ZFYVE26: variants seen among roughly 807,000 people sequenced by gnomAD.
ZFYVE26 encodes zinc finger FYVE domain-containing protein 26.
A neutral mutation model predicts 276.5 loss-of-function variants in ZFYVE26; 181 were observed. The observed-to-expected ratio is 0.65, with a 90% confidence interval of 0.58 to 0.74. The LOEUF (loss-of-function observed/expected upper bound fraction) is 0.74, where lower values mean the gene tolerates loss of function less well. ZFYVE26 is among the 30% of genes least tolerant of loss of function. The probability of loss-of-function intolerance (pLI) is 0.00; values close to 1 mark genes in which losing one functional copy is unlikely to be tolerated. For synonymous variants in ZFYVE26, 1,129 were observed against 1,203.1 expected (o/e 0.94, Z 1.27); for missense variants, 2,821 against 3,097.9 (o/e 0.91, Z 2.12).
intron 26 of ZFYVE26, 48 bp from the exon 27 acceptor site, chr14:67,775,162 C>G (rs1478285122): frequency 7.8e-7 from 1 of 1,288,860 alleles, no homozygotes; most frequent in East Asian, 2.4e-5. Flanking sequence ...CCATAAGTAT[C>G]TTGATTCACC....
Position 67,752,429 on chromosome 14 carries a change from A to G in ZFYVE26, c.7286T>C (p.Val2429Ala). The G allele has an allele frequency of 6.2e-7, 1 of 1,613,994 alleles. No individual in the cohort carries two copies. The highest frequency in any genetic ancestry group is 8.5e-7 in the Non-Finnish European group (1 of 1,179,978). The change falls in exon 40 of 42, where the codon GTC (valine) becomes GCC (alanine). Residue 2429 changes from valine to alanine, a missense_variant. Coordinates refer to ENST00000347230, the MANE Select transcript of ZFYVE26 (RefSeq NM_015346.4). The stretch of plus-strand genomic sequence containing the variant: ...TTTGGCTGCCATGCCTGACTCACTG[A>G]CACATTTGAGCAGTTGCTGGATCTC... ...YSEIQQLLKC[V>A]SESGMAAKSD...
chr14:67,746,273 C>T (rs1178398288), downstream of ZFYVE26, among the ~76,000 whole-genome samples: 1 of 147,980 alleles, frequency 6.8e-6, no homozygotes, highest in Non-Finnish European at 1.5e-5. Flanking sequence ...AACGTATTAC[C>T]TATCTCTACC....
At chr14:67,743,958 TAAC>T (rs2038450683), downstream of ZFYVE26, among the ~76,000 whole-genome samples, 2 of 151,942 alleles carry the variant, frequency 1.3e-5, no homozygotes, top group Admixed American at 1.3e-4. Flanking sequence ...CAAGAAGAAA[TAAC>T]AACATGCAGA....
chr14:67,792,059 C>CA lies in ZFYVE26; in HGVS notation c.2554-1287dup, dbSNP rs35352929. Among the ~76,000 whole-genome samples the CA allele has an allele frequency of 8.0e-3, 512 of 63,638 alleles. 3 individuals carry two copies. Among genetic ancestry groups the CA allele is most frequent in the East Asian group, 0.023 (50 of 2,194 alleles). The allele number at this position is 63,638 out of a possible 152,430, so 41.7% of individuals were successfully genotyped here. ...TGGGTGAGAAAGTGAGACTCTGCTT[C>CA]AAAAAAAAAAAAAAAGAAAAAGAAA... On this transcript the variant is annotated intron_variant, in intron 14 of 41. Coordinates refer to ENST00000347230, the MANE Select transcript of ZFYVE26 (RefSeq NM_015346.4).
intron 32 of ZFYVE26, among the ~76,000 whole-genome samples, chr14:67,763,839 G>A (rs1465006698): frequency 6.6e-6 from 1 of 152,220 alleles, no homozygotes; most frequent in Non-Finnish European, 1.5e-5. Context: ...CCTTTACACT[G>A]TATGTTAGGG....
At chr14:67,769,770 A>G in intron 28 of ZFYVE26, 40 bp from the exon 29 acceptor site, 1 of 1,613,444 alleles carries the variant, frequency 6.2e-7, no homozygotes, top group Non-Finnish European at 8.5e-7. Context: ...GAGGGAGGAG[A>G]GAAGGGGAGA....
intron 14 of ZFYVE26, chr14:67,729,125 A>C (rs2038230196): frequency 1.1e-5 from 17 of 1,483,936 alleles, no homozygotes; most frequent in Non-Finnish European, 1.5e-5. Context: ...ATTTTGCTGC[A>C]GGAGATAAGC....
chr14:67,777,092 CA>C (rs1566878255), intron 25 of ZFYVE26, among the ~76,000 whole-genome samples: 1 of 152,236 alleles, frequency 6.6e-6, no homozygotes, highest in Non-Finnish European at 1.5e-5. Flanking sequence ...GTTTATCAAG[CA>C]GTCGTTTTAA....
intron 35 of ZFYVE26, among the ~76,000 whole-genome samples, chr14:67,757,091 G>A (rs747107210): frequency 6.6e-6 from 1 of 152,108 alleles, no homozygotes; most frequent in African/African-American, 2.4e-5. Flanking sequence ...ACAGCACACA[G>A]AATCTGGCCA....
rs147638742 is a variant in ZFYVE26 at position 67,741,053 on chromosome 14, G to A, written n.2679+9999C>T. On this transcript the variant is annotated intron_variant and non_coding_transcript_variant, in intron 13 of 14. Transcript: ENST00000394455. ...GAAAATGATACCCGTTTTAATGCAA[G>A]TATTTATTATACTCATGCTGGGGAA... Among the ~76,000 whole-genome samples, 64 of 152,302 alleles carry A rather than the reference G, an allele frequency of 4.2e-4. 1 individual carries two copies. In the East Asian group the frequency reaches 6.4e-3, roughly 15 times the overall value.
At chr14:67,755,821 G>T in intron 36 of ZFYVE26, 127 bp downstream of exon 36, 1 of 1,106,912 alleles carries the variant, frequency 9.0e-7, no homozygotes, top group Non-Finnish European at 1.4e-6. Context: ...ACATGGATTT[G>T]CTCTAGGGTC....
intron 2 of ZFYVE26, among the ~76,000 whole-genome samples, chr14:67,814,451 G>A (rs2040360261): frequency 2.6e-5 from 4 of 152,036 alleles, no homozygotes; most frequent in Non-Finnish European, 4.4e-5. Flanking sequence ...CCTGGGAGGC[G>A]GAGGTTGCAG....
chr14:67,729,670 A>G (rs1469657926), exon 14 of ZFYVE26: 1 of 590,028 alleles, frequency 1.7e-6, no homozygotes, highest in African/African-American at 1.8e-5. Context: ...TGGTTATGCC[A>G]TGGAGATCTG....
chr14:67,774,005 GTA>G (rs2039278873), intron 27 of ZFYVE26, among the ~76,000 whole-genome samples: 1 of 152,174 alleles, frequency 6.6e-6, no homozygotes, highest in Non-Finnish European at 1.5e-5. Context: ...GTGTGTGACA[GTA>G]TGAACTTGAG....
At chr14:67,758,659 G>C (rs534915808) in intron 35 of ZFYVE26, among the ~76,000 whole-genome samples, 1 of 150,992 alleles carries the variant, frequency 6.6e-6, no homozygotes. Flanking sequence ...ATTTTGAGAT[G>C]GAGTCTTACT....
At chr14:67,742,803 TCCCTTCCTTCCTTC>T (rs2038429416), downstream of ZFYVE26, among the ~76,000 whole-genome samples, 65 of 144,430 alleles carry the variant, frequency 4.5e-4, no homozygotes, top group African/African-American at 1.8e-3. Context: ...CCTTCCTTCT[TCCCTTCCTTCCTTC>T]CTTTCTTCTT....
chr14:67,794,780 AC>A, intron 12 of ZFYVE26, among the ~76,000 whole-genome samples: 1 of 152,178 alleles, frequency 6.6e-6, no homozygotes, highest in Non-Finnish European at 1.5e-5. Context: ...CCCCGTCTAC[AC>A]AAAAAATTAA....
intron 6 of ZFYVE26, among the ~76,000 whole-genome samples, chr14:67,805,842 A>G (rs941884283): frequency 1.3e-5 from 2 of 152,206 alleles, no homozygotes; most frequent in African/African-American, 4.8e-5. Flanking sequence ...CAGCCTGGCC[A>G]ACATGGGGAA....
chr14:67,802,385 G>A (rs2040096331), intron 9 of ZFYVE26, 103 bp from the exon 10 acceptor site: 1 of 1,176,304 alleles, frequency 8.5e-7, no homozygotes, highest in South Asian at 1.3e-5. Context: ...AGGTCCACTT[G>A]TAGGTTCTTA....
Sources: gnomAD v4.1 joint callset for allele counts (sites outside exome capture counted in the v4.1 genomes callset) on GRCh38, gnomAD v4.1.1 for gene constraint, MANE v1.5 for transcripts, NCBI Gene and HGNC (gene_info 2026-07-23, HGNC 2026-07-21) for gene names.